DICER1: variants seen among roughly 807,000 people sequenced by gnomAD.
The protein encoded by DICER1 is endoribonuclease Dicer.
A neutral mutation model predicts 194.1 loss-of-function variants in DICER1; 43 were observed. The ratio of observed to expected loss-of-function variants is 0.22; its 90% CI spans 0.17 to 0.29. DICER1 has a LOEUF of 0.29. DICER1 is among the 10% of genes least tolerant of loss of function. DICER1 has a pLI of 1.00. For synonymous variants in DICER1, 832 were observed against 820.5 expected (o/e 1.01, Z -0.24); for missense variants, 1,608 against 2,317.0 (o/e 0.69, Z 6.28).
intron 1 of DICER1, among the ~76,000 whole-genome samples, chr14:95,137,280 G>A (rs1894457277): frequency 1.4e-5 from 2 of 142,588 alleles, no homozygotes; most frequent in African/African-American, 2.6e-5. Flanking sequence ...GAAAGGGGAA[G>A]GGGAAGGGAA....
intron 11 of DICER1, among the ~76,000 whole-genome samples, chr14:95,113,452 G>A (rs975700518): frequency 2.0e-5 from 3 of 152,216 alleles, no homozygotes; most frequent in African/African-American, 7.2e-5. Flanking sequence ...GCAGTGGCTG[G>A]TGAGCACTTG....
chr14:95,129,536 G>C lies in DICER1; in HGVS notation c.670C>G (p.Gln224Glu), dbSNP rs1595456904. Reference sequence around the variant, plus strand: ...CTCTTAAGAATTTTCTCTAGTTTCTGAATCTTTTCTTCCAATTCCTCTGGA... The same window carrying C: ...CTCTTAAGAATTTTCTCTAGTTTCTCAATCTTTTCTTCCAATTCCTCTGGA... The part of the protein sequence containing the change: ...CDPEELEEKI[Q>E]KLEKILKSNA... Residue 224 changes from glutamine to glutamate, a missense_variant, in exon 6 of 27, where the codon CAG becomes GAG. Gln to Glu is a conservative substitution (Grantham distance 29). Around this residue, in one of 10 missense-constraint regions of DICER1, gnomAD observed 657 missense variants for 910.1 expected, o/e 0.72. Transcript: ENST00000343455. 6.2e-7 allele frequency: 1 copy of C among 1,613,932 alleles called. No individual in the cohort carries two copies. Among genetic ancestry groups the C allele is most frequent in the South Asian group, 1.1e-5 (1 of 91,076 alleles).
In DICER1 at chr14:95,094,204, AC is replaced by A. The variant is rs141740313; in HGVS notation, c.5096-49del. The stretch of plus-strand genomic sequence containing the variant: ...CGTAAGCTTGTGCAGAAGCATTTAC[AC>A]TATCCCCACATAGCAACTGATCCCC... On this transcript the variant is annotated intron_variant, in intron 23 of 26. Coordinates refer to ENST00000343455, the MANE Select transcript of DICER1 (RefSeq NM_177438.3). 6.2e-3 allele frequency: 9,991 copies of A among 1,609,902 alleles called. 578 individuals carry two copies. The African/African-American group carries it at 0.12, about 19-fold the overall frequency.
chr14:95,121,954 G>A (rs1156243822), intron 8 of DICER1, among the ~76,000 whole-genome samples: 1 of 152,100 alleles, frequency 6.6e-6, no homozygotes, highest in Non-Finnish European at 1.5e-5. Flanking sequence ...ATATGCCCAT[G>A]AAACTATTCA....
intron 1 of DICER1, among the ~76,000 whole-genome samples, chr14:95,153,274 T>G (rs1276951627): frequency 6.6e-6 from 1 of 151,964 alleles, no homozygotes; most frequent in African/African-American, 2.4e-5. Context: ...ACTGCCCATG[T>G]TGTCCACAGA....
chr14:95,130,218 C>T (rs1406670430), intron 4 of DICER1, 26 bp from the exon 5 acceptor site: 12 of 1,606,136 alleles, frequency 7.5e-6, no homozygotes, highest in Non-Finnish European at 1.0e-5. Context: ...CATCAGTAAA[C>T]AAACATAGCA....
At chr14:95,157,705 G>A (rs1895992665), upstream of DICER1, 2 of 152,430 alleles carry the variant, frequency 1.3e-5, no homozygotes, top group South Asian at 4.1e-4. Flanking sequence ...TTGCGGCCCA[G>A]CGCCTGGACT....
At chr14:95,092,867 G>A (rs937450675) in intron 24 of DICER1, among the ~76,000 whole-genome samples, 1 of 152,184 alleles carries the variant, frequency 6.6e-6, no homozygotes, top group Non-Finnish European at 1.5e-5. Flanking sequence ...GGAAGTCTAC[G>A]AGCTGGTCCC....
Position 95,096,477 on chromosome 14 carries a change from C to G in DICER1, c.4443G>C (p.Trp1481Cys). Residue 1481 changes from tryptophan to cysteine, a missense_variant, in exon 23 of 27, where the codon TGG becomes TGC. Physicochemically the swap from Trp to Cys is radical, Grantham distance 215. Coordinates refer to ENST00000343455, the MANE Select transcript of DICER1 (RefSeq NM_177438.3). ...CTAAGGAGGATTTTTTGGGCATTTTCCATTCATATGCAGAATCAGTGGTTG... is the reference window on the plus strand; with the variant it reads ...CTAAGGAGGATTTTTTGGGCATTTTGCATTCATATGCAGAATCAGTGGTTG... ...PFSTTDSAYEWKMPKKSSLGS... is the reference protein window; with the variant it reads ...PFSTTDSAYECKMPKKSSLGS... 1 of 1,614,196 alleles carries G rather than the reference C, an allele frequency of 6.2e-7. No individual in the cohort carries two copies. Among genetic ancestry groups the G allele is most frequent in the Non-Finnish European group, 8.5e-7 (1 of 1,180,018 alleles).
chr14:95,141,483 C>G (rs986052775), intron 1 of DICER1, among the ~76,000 whole-genome samples: 2 of 152,202 alleles, frequency 1.3e-5, no homozygotes, highest in African/African-American at 4.8e-5. Context: ...GCGCTCAGGT[C>G]TGAGCCTTCT....
intron 14 of DICER1, among the ~76,000 whole-genome samples, chr14:95,109,971 C>T (rs2140051506): frequency 6.6e-6 from 1 of 152,204 alleles, no homozygotes; most frequent in South Asian, 2.1e-4. Flanking sequence ...TAAATATGTA[C>T]AAACGTATTT....
intron 1 of DICER1, among the ~76,000 whole-genome samples, chr14:95,153,642 T>C (rs1451640932): frequency 6.6e-6 from 1 of 152,232 alleles, no homozygotes; most frequent in African/African-American, 2.4e-5. Context: ...CACTCACCTT[T>C]CCTTGCCCCA....
rs2139777889 is a variant in DICER1 at position 95,091,286 on chromosome 14, A to T, written c.5444T>A (p.Leu1815His). ...ACTATCCATGTAAATGGCACCAGCAAGCGACTCAAAAATATCCCCCATGGC... is the reference window on the plus strand; with the variant it reads ...ACTATCCATGTAAATGGCACCAGCATGCGACTCAAAAATATCCCCCATGGC... ...PKAMGDIFES[L>H]AGAIYMDSGM... is the part of the protein sequence containing the mutation. The change falls in exon 25 of 27, where the codon CTT becomes CAT. Residue 1815 changes from leucine (L) to histidine (H), a missense_variant. By Grantham distance (99) the Leu-to-His change is moderately conservative. Coordinates refer to ENST00000343455, the MANE Select transcript of DICER1 (RefSeq NM_177438.3). The T allele has an allele frequency of 1.9e-6, 3 of 1,614,106 alleles. No individual in the cohort carries two copies. Among genetic ancestry groups the T allele is most frequent in the Non-Finnish European group, 2.5e-6 (3 of 1,179,996 alleles).
intron 1 of DICER1, among the ~76,000 whole-genome samples, chr14:95,148,167 T>C (rs373349800): frequency 1.8e-4 from 27 of 152,326 alleles, no homozygotes; most frequent in East Asian, 1.5e-3. Flanking sequence ...GGAACCTCCA[T>C]GTGTTCAACT....
intron 1 of DICER1, among the ~76,000 whole-genome samples, chr14:95,154,832 G>A (rs942539004): frequency 1.3e-4 from 19 of 150,998 alleles, no homozygotes; most frequent in Non-Finnish European, 2.1e-4. Context: ...CACTTAAAAT[G>A]GTTCAACGTT....
In DICER1 at chr14:95,115,785, C is replaced by T. The variant is rs1277436466; in HGVS notation, c.1789G>A (p.Gly597Ser). 1.2e-6 allele frequency: 2 copies of T among 1,614,134 alleles called. No individual in the cohort carries two copies. Among genetic ancestry groups the T allele is most frequent in the East Asian group, 4.5e-5 (2 of 44,888 alleles). The change falls in exon 11 of 27, where the codon GGT (glycine) becomes AGT (serine). Residue 597 changes from glycine to serine, a missense_variant. Physicochemically the swap from Gly to Ser is moderately conservative, Grantham distance 56 (BLOSUM62 0). Around this residue, in one of 10 missense-constraint regions of DICER1, gnomAD observed 657 missense variants for 910.1 expected, o/e 0.72. Coordinates refer to ENST00000343455, the MANE Select transcript of DICER1 (RefSeq NM_177438.3). ...ATGACAGGATCAATGTCAGTCTCAC[C>T]AGTATCAACCGACTTGGAACACTTG... ...RNKCSKSVDT[G>S]ETDIDPVMDD...
chr14:95,152,234 T>G (rs1895560946), intron 1 of DICER1, among the ~76,000 whole-genome samples: 1 of 152,222 alleles, frequency 6.6e-6, no homozygotes, highest in African/African-American at 2.4e-5. Flanking sequence ...TCTCCCACGA[T>G]TCTTAACACT....
At chr14:95,099,363 T>C (rs1302310784) in intron 22 of DICER1, among the ~76,000 whole-genome samples, 1 of 152,124 alleles carries the variant, frequency 6.6e-6, no homozygotes, top group Non-Finnish European at 1.5e-5. Flanking sequence ...AAAAGCAAGA[T>C]TTTACTGAAA....
chr14:95,113,346 AT>A, intron 11 of DICER1, 122 bp from the exon 12 acceptor site: 1 of 982,120 alleles, frequency 1.0e-6, no homozygotes. Context: ...TATATGTGGC[AT>A]TTAAACTTTA....
Sources: gnomAD v4.1 joint callset for allele counts (sites outside exome capture counted in the v4.1 genomes callset) on GRCh38, gnomAD v4.1.1 for gene constraint, gnomAD v4.1.1 regional missense constraint, MANE v1.5 for transcripts, NCBI Gene and HGNC (gene_info 2026-07-23, HGNC 2026-07-21) for gene names.